Variants in FHOD3 observed in about 807,000 individuals in gnomAD.
The protein encoded by FHOD3 is formin homology 2 domain containing 3.
Under a neutral mutation model 173.0 loss-of-function variants are expected in FHOD3, and 90 were observed. The observed-to-expected ratio is 0.52, with a 90% CI of 0.44 to 0.62. FHOD3 has a LOEUF of 0.62. Ranked by LOEUF, FHOD3 falls within the 20% of genes least tolerant of loss-of-function variation. FHOD3 has a pLI of 0.00. For synonymous variants in FHOD3, 828 were observed against 823.0 expected, an observed-to-expected ratio of 1.01 and a Z score of -0.10; for missense variants, 1,945 against 2,034.7, an observed-to-expected ratio of 0.96 and a Z score of 0.85.
intron 10 of FHOD3, among the ~76,000 whole-genome samples, chr18:36,646,797 C>T (rs1436759644): frequency 6.6e-6 from 1 of 152,104 alleles, no homozygotes; most frequent in African/African-American, 2.4e-5. Context: ...CAAAAATTAA[C>T]ACACAAAGGC....
intron 19 of FHOD3, among the ~76,000 whole-genome samples, chr18:36,719,381 G>A (rs1245003180): frequency 6.6e-6 from 1 of 151,602 alleles, no homozygotes; most frequent in East Asian, 1.9e-4. Flanking sequence ...TGTACATAAA[G>A]TTATTGGGCA....
chr18:36,655,091 C>T lies in FHOD3; in HGVS notation c.1721+1675C>T, dbSNP rs559493796. On this transcript the variant is annotated intron_variant, in intron 13 of 28. Coordinates refer to ENST00000590592, the MANE Select transcript of FHOD3 (RefSeq NM_001281740.3). ...TTTTTTGTACCCCAATCATACTATC[C>T]CAGTGAACCAAATTTGAATTCCTTG... is the stretch of plus-strand genomic sequence containing the variant. Among the ~76,000 whole-genome samples the T allele has an allele frequency of 3.2e-4, 47 of 146,112 alleles. No individual in the cohort carries two copies. The South Asian group carries it at 8.5e-3, about 26-fold the overall frequency.
At chr18:36,593,508 G>C (rs1156645477) in intron 6 of FHOD3, among the ~76,000 whole-genome samples, 1 of 152,128 alleles carries the variant, frequency 6.6e-6, no homozygotes, top group Non-Finnish European at 1.5e-5. Context: ...TATTCCCTGT[G>C]GACTGCACAA....
chr18:36,745,889 C>T (rs375425961), intron 23 of FHOD3, among the ~76,000 whole-genome samples: 6 of 151,894 alleles, frequency 4.0e-5, no homozygotes, highest in African/African-American at 1.5e-4. Flanking sequence ...GCACCTCCTG[C>T]TGCTCTGACT....
chr18:36,487,276 G>A (rs969692882), intron 3 of FHOD3, among the ~76,000 whole-genome samples: 5 of 152,294 alleles, frequency 3.3e-5, no homozygotes, highest in African/African-American at 9.6e-5. Context: ...AGAGCGTCAG[G>A]TTCCAGTTGT....
intron 10 of FHOD3, 91 bp from the exon 11 acceptor site, chr18:36,649,225 G>T (rs2035889098): frequency 4.1e-5 from 29 of 709,638 alleles, no homozygotes; most frequent in South Asian, 7.5e-5. Flanking sequence ...TGTTGTTGTT[G>T]TTTTTGCTTC....
intron 16 of FHOD3, 108 bp from the exon 17 acceptor site, chr18:36,693,101 G>A: frequency 9.1e-7 from 1 of 1,097,530 alleles, no homozygotes; most frequent in Non-Finnish European, 1.3e-6. Flanking sequence ...GCACTGTGCT[G>A]TGTGCATCAG....
At chr18:36,626,465 CA>C (rs1419149853) in intron 10 of FHOD3, among the ~76,000 whole-genome samples, 3 of 152,126 alleles carry the variant, frequency 2.0e-5, no homozygotes, top group Admixed American at 2.0e-4. Flanking sequence ...CTGCCAAACC[CA>C]GAGTGGTTCT....
intron 4 of FHOD3, among the ~76,000 whole-genome samples, chr18:36,507,795 C>G (rs1023532821): frequency 2.6e-5 from 4 of 152,180 alleles, no homozygotes; most frequent in African/African-American, 9.7e-5. Context: ...ATGTCCTCTT[C>G]TTGGACTCAG....
rs553611562 is a variant in FHOD3 at position 36,766,855 on chromosome 18, T to C, written c.4625-2410T>C. ...GGCCCAGTGCTCTGCAAATGTATTA[T>C]GAGCAAAGACAATTTATTGAGCTTT... On this transcript the variant is annotated intron_variant, in intron 27 of 28. Coordinates refer to ENST00000590592, the MANE Select transcript of FHOD3 (RefSeq NM_001281740.3). Among the ~76,000 whole-genome samples the C allele has an allele frequency of 1.2e-4, 18 of 152,330 alleles. No individual in the cohort carries two copies. The South Asian group carries it at 3.7e-3, about 32-fold the overall frequency.
At chr18:36,326,493 G>A (rs890739516) in intron 1 of FHOD3, among the ~76,000 whole-genome samples, 8 of 152,138 alleles carry the variant, frequency 5.3e-5, no homozygotes, top group African/African-American at 1.4e-4. Context: ...CAGGTCAGGC[G>A]CGGTTGCTCA....
intron 27 of FHOD3, among the ~76,000 whole-genome samples, chr18:36,768,187 T>C (rs2043223217): frequency 6.6e-6 from 1 of 152,222 alleles, no homozygotes; most frequent in Non-Finnish European, 1.5e-5. Flanking sequence ...TTGAGCATAT[T>C]GTACATCTTT....
At chr18:36,332,760 C>T (rs2045088549) in intron 1 of FHOD3, among the ~76,000 whole-genome samples, 1 of 152,146 alleles carries the variant, frequency 6.6e-6, no homozygotes, top group African/African-American at 2.4e-5. Flanking sequence ...ATGCCTATAG[C>T]GGTAAGGCGG....
intron 5 of FHOD3, among the ~76,000 whole-genome samples, chr18:36,523,826 T>G (rs559486769): frequency 2.0e-4 from 31 of 152,300 alleles, no homozygotes; most frequent in African/African-American, 7.5e-4. Flanking sequence ...GCTGTTTAAC[T>G]TTCCCTCTTC....
intron 27 of FHOD3, among the ~76,000 whole-genome samples, chr18:36,763,086 TATA>T (rs2042965028): frequency 6.7e-6 from 1 of 148,496 alleles, no homozygotes; most frequent in East Asian, 2.0e-4. Flanking sequence ...ACACGTTATA[TATA>T]ATATGCGTAT....
intron 3 of FHOD3, among the ~76,000 whole-genome samples, chr18:36,439,389 A>C (rs2050995619): frequency 6.6e-6 from 1 of 152,182 alleles, no homozygotes; most frequent in Non-Finnish European, 1.5e-5. Flanking sequence ...GATTTAGCAG[A>C]GGAGTCAATG....
At chr18:36,355,470 A>G in intron 1 of FHOD3, 69 bp from the exon 2 acceptor site, 2 of 1,263,310 alleles carry the variant, frequency 1.6e-6, no homozygotes, top group Non-Finnish European at 2.3e-6. Flanking sequence ...GGGCAACATG[A>G]TGTGATTTCT....
intron 3 of FHOD3, among the ~76,000 whole-genome samples, chr18:36,448,808 C>T (rs1030520422): frequency 6.6e-6 from 1 of 152,106 alleles, no homozygotes. Context: ...GCTGGTCTTG[C>T]GGTTGAGAAA....
At chr18:36,765,685 AT>A (rs1346842129) in intron 27 of FHOD3, among the ~76,000 whole-genome samples, 2 of 152,214 alleles carry the variant, frequency 1.3e-5, no homozygotes, top group Non-Finnish European at 2.9e-5. Context: ...AAAACAAAAT[AT>A]CTGAAATAAA....
Sources: gnomAD v4.1 joint callset for allele counts (sites outside exome capture counted in the v4.1 genomes callset) on GRCh38, gnomAD v4.1.1 for gene constraint, MANE v1.5 for transcripts, NCBI Gene and HGNC (gene_info 2026-07-23, HGNC 2026-07-21) for gene names.